The following COL14A1 variants were observed in gnomAD, a reference collection of about 807,000 sequenced individuals.
COL14A1 encodes the protein collagen type XIV alpha 1 chain, also known as collagen alpha-1(XIV) chain.
COL14A1 carries 136 observed loss-of-function variants against 230.3 expected under a neutral mutation model. That is an observed-to-expected ratio of 0.59 (90% CI 0.51 to 0.68). COL14A1 has a LOEUF of 0.68. Among genes scored for constraint, COL14A1 ranks in the 30% least tolerant of loss-of-function variants. COL14A1 has a pLI of 0.00. For missense variants in COL14A1, 1,976 were observed against 2,215.8 expected (o/e 0.89, Z 2.17); for synonymous variants, 792 against 784.1 (o/e 1.01, Z -0.17).
At chr8:120,308,294 T>C (rs1224515609) in intron 36 of COL14A1, among the ~76,000 whole-genome samples, 1 of 152,244 alleles carries the variant, frequency 6.6e-6, no homozygotes, top group Non-Finnish European at 1.5e-5. Flanking sequence ...AAGCATTGTT[T>C]AAATGGCTGA....
intron 16 of COL14A1, 35 bp downstream of exon 16, chr8:120,226,801 G>A: frequency 6.2e-7 from 1 of 1,600,834 alleles, no homozygotes; most frequent in Non-Finnish European, 8.5e-7. Flanking sequence ...AATTAATCTG[G>A]AGCATTAGTG....
At chr8:120,244,522 T>C (rs969134352) in intron 20 of COL14A1, among the ~76,000 whole-genome samples, 1 of 152,182 alleles carries the variant, frequency 6.6e-6, no homozygotes, top group African/African-American at 2.4e-5. Flanking sequence ...GGTAGTCTCT[T>C]ATCCCTCATC....
intron 17 of COL14A1, 142 bp from the exon 18 acceptor site, chr8:120,228,568 C>A: frequency 3.3e-6 from 2 of 612,778 alleles, no homozygotes; most frequent in South Asian, 4.5e-5. Flanking sequence ...CAATTCATTT[C>A]TTTCGTCTTC....
chr8:120,156,026 T>C (rs1480615752), intron 2 of COL14A1, among the ~76,000 whole-genome samples: 3 of 152,202 alleles, frequency 2.0e-5, no homozygotes, highest in Non-Finnish European at 4.4e-5. Context: ...TACTTAGAGA[T>C]AGTAAAGGAC....
chr8:120,370,962 C>A (rs1586906514), intron 47 of COL14A1, 190 bp from the exon 48 acceptor site: 1 of 1,102,718 alleles, frequency 9.1e-7, no homozygotes, highest in Non-Finnish European at 1.3e-6. Context: ...TGTAATGTAT[C>A]TTTCCCTTCG....
chr8:120,226,786 C>A lies in COL14A1; in HGVS notation c.2004+20C>A. ...GAGGAGGTGAGTTTTCTGAAACAGA[C>A]TGAAAATTAATCTGGAGCATTAGTG... On this transcript the variant is annotated intron_variant, in intron 16 of 47. Coordinates refer to ENST00000297848, the MANE Select transcript of COL14A1 (RefSeq NM_021110.4). 6.2e-7 allele frequency: 1 copy of A among 1,609,316 alleles called. No individual in the cohort carries two copies. The highest frequency in any genetic ancestry group is 1.1e-5 in the South Asian group (1 of 90,526).
chr8:120,237,684 A>T (rs1818489767), intron 19 of COL14A1, among the ~76,000 whole-genome samples: 1 of 152,116 alleles, frequency 6.6e-6, no homozygotes, highest in South Asian at 2.1e-4. Context: ...TTTGGAGGAG[A>T]AGGGGCATTC....
rs1261868349 is a variant in COL14A1, at chr8:120,196,705, T to C, written c.437-86T>C. The C allele has an allele frequency of 9.7e-6, 13 of 1,344,200 alleles. 1 individual carries two copies. The highest frequency in any genetic ancestry group is 7.4e-5 in the African/African-American group (5 of 67,554). The allele number at this position is 1,344,200 out of a possible 1,614,324, so 83.3% of individuals were successfully genotyped here. A position where few individuals can be genotyped will look rare whatever the true frequency, so the allele number is the denominator to read the frequency against. The stretch of plus-strand genomic sequence containing the variant: ...GGGAACTCTTTTGTATTCTTAGCAC[T>C]AAGTTGTCTAAAAGACATTAAGATG... On this transcript the variant is annotated intron_variant, in intron 5 of 47. Transcript: ENST00000297848.
At chr8:120,172,818 C>G (rs1167203294) in intron 5 of COL14A1, among the ~76,000 whole-genome samples, 1 of 152,166 alleles carries the variant, frequency 6.6e-6, no homozygotes, top group Non-Finnish European at 1.5e-5. Flanking sequence ...TAAGAACTAT[C>G]AAATACAACT....
chr8:120,254,509 A>G (rs1407880021), intron 22 of COL14A1, among the ~76,000 whole-genome samples: 2 of 152,160 alleles, frequency 1.3e-5, no homozygotes, highest in Admixed American at 1.3e-4. Context: ...AGCCATGGCT[A>G]TCCCATTGGT....
At chr8:120,257,582 TCAC>T (rs973267128) in intron 23 of COL14A1, among the ~76,000 whole-genome samples, 3 of 152,158 alleles carry the variant, frequency 2.0e-5, no homozygotes, top group Admixed American at 6.5e-5. Flanking sequence ...GGGAATGTGT[TCAC>T]CATTCTGATT....
At chr8:120,275,523 C>CTAAAGAAA (rs201938255) in intron 26 of COL14A1, among the ~76,000 whole-genome samples, 3,154 of 151,286 alleles carry the variant, frequency 0.021, 112 homozygotes, top group African/African-American at 0.071. Flanking sequence ...TTCTGAACAG[C>CTAAAGAAA]TAATCATCAG....
intron 5 of COL14A1, among the ~76,000 whole-genome samples, chr8:120,190,728 T>C (rs896447361): frequency 2.0e-5 from 3 of 152,304 alleles, no homozygotes; most frequent in African/African-American, 7.2e-5. Flanking sequence ...CAGATCCTGT[T>C]ATTGGTCTAT....
intron 42 of COL14A1, among the ~76,000 whole-genome samples, chr8:120,339,100 A>G (rs1290655242): frequency 6.6e-6 from 1 of 152,126 alleles, no homozygotes; most frequent in Non-Finnish European, 1.5e-5. Context: ...CTGGGACTAC[A>G]GGCGTGTGCC....
At chr8:120,216,238 T>C (rs1817744608) in intron 13 of COL14A1, 113 bp from the exon 14 acceptor site, 2 of 788,686 alleles carry the variant, frequency 2.5e-6, no homozygotes, top group Non-Finnish European at 4.0e-6. Flanking sequence ...TTATAAGTTA[T>C]TATCTAGGTG....
intron 18 of COL14A1, among the ~76,000 whole-genome samples, chr8:120,231,137 G>A (rs1818255414): frequency 6.6e-6 from 1 of 152,094 alleles, no homozygotes; most frequent in Admixed American, 6.5e-5. Context: ...AGGTTCTCAT[G>A]ACCACTCTTT....
Position 120,312,591 on chromosome 8 carries a change from T to C in COL14A1, c.4456-1341T>C, listed in dbSNP as rs796231981. ...TTCTACCTGATTATCATCTCATTTTTATCCACATTCTATTTCACTCACTCA... is the reference window on the plus strand; with the variant it reads ...TTCTACCTGATTATCATCTCATTTTCATCCACATTCTATTTCACTCACTCA... On this transcript the variant is annotated intron_variant, in intron 37 of 47. Transcript: ENST00000297848. Among the ~76,000 whole-genome samples the C allele has an allele frequency of 1.6e-4, 25 of 152,302 alleles. 1 individual carries two copies. Among genetic ancestry groups the C allele is most frequent in the African/African-American group, 6.0e-4 (25 of 41,578 alleles).
intron 34 of COL14A1, among the ~76,000 whole-genome samples, chr8:120,293,958 CA>C (rs1181159361): frequency 6.6e-6 from 1 of 151,758 alleles, no homozygotes; most frequent in African/African-American, 2.4e-5. Flanking sequence ...ACAATCAGTT[CA>C]ATAGTTGACA....
intron 5 of COL14A1, among the ~76,000 whole-genome samples, chr8:120,191,775 A>G (rs1436648058): frequency 2.0e-5 from 3 of 151,892 alleles, no homozygotes; most frequent in Non-Finnish European, 4.4e-5. Context: ...CTTCTTGTTG[A>G]ATTGATCCCT....
Sources: gnomAD v4.1 joint callset for allele counts (sites outside exome capture counted in the v4.1 genomes callset) on GRCh38, gnomAD v4.1.1 for gene constraint, MANE v1.5 for transcripts, NCBI Gene and HGNC (gene_info 2026-07-23, HGNC 2026-07-21) for gene names.